The following CALN1 variants were observed in gnomAD, a reference collection of about 807,000 sequenced individuals.
The protein encoded by CALN1 is calcium-binding protein 8.
Under a neutral mutation model 30.6 loss-of-function variants are expected in CALN1, and 17 were observed. The observed-to-expected ratio is 0.56, with a 90% confidence interval of 0.38 to 0.83. The LOEUF is 0.83. CALN1 is among the 40% of genes least tolerant of loss of function. CALN1 has a pLI of 0.00. For missense variants in CALN1, 291 were observed against 354.9 expected (o/e 0.82, Z 1.45); for synonymous variants, 156 against 131.4 (o/e 1.19, Z -1.28).
chr7:72,179,340 G>T (rs945087472), intron 3 of CALN1, among the ~76,000 whole-genome samples: 2 of 152,000 alleles, frequency 1.3e-5, no homozygotes, highest in Non-Finnish European at 2.9e-5. Context: ...CAATTTTTTT[G>T]ACTGTTCCCA....
At chr7:72,111,940 G>T (rs557301244) in intron 3 of CALN1, among the ~76,000 whole-genome samples, 2 of 151,600 alleles carry the variant, frequency 1.3e-5, no homozygotes, top group Non-Finnish European at 2.9e-5. Context: ...TAGTAGAGAC[G>T]GTGTTTCACT....
At chr7:72,358,571 AC>A (rs1158685962) in intron 2 of CALN1, among the ~76,000 whole-genome samples, 3 of 152,070 alleles carry the variant, frequency 2.0e-5, no homozygotes, top group Non-Finnish European at 4.4e-5. Context: ...CGTCAACCTG[AC>A]CCCAACTTCG....
chr7:72,482,096 T>C, the CALN1 span, among the ~76,000 whole-genome samples: 2 of 152,222 alleles, frequency 1.3e-5, no homozygotes, highest in South Asian at 4.1e-4. Context: ...TTTAGAATTA[T>C]TGATTAATCA....
chr7:71,993,963 A>G (rs924535918), intron 5 of CALN1, among the ~76,000 whole-genome samples: 1 of 152,178 alleles, frequency 6.6e-6, no homozygotes, highest in Non-Finnish European at 1.5e-5. Context: ...TACGACTGAA[A>G]TTTAAATGTT....
At chr7:72,444,617 C>T (rs1808465186) in intron 1 of CALN1, among the ~76,000 whole-genome samples, 1 of 152,124 alleles carries the variant, frequency 6.6e-6, no homozygotes, top group Non-Finnish European at 1.5e-5. Flanking sequence ...AGAAAAGGCA[C>T]AGTCCAGCAG....
intron 4 of CALN1, among the ~76,000 whole-genome samples, chr7:72,031,030 C>T (rs1384152038): frequency 1.3e-5 from 2 of 152,176 alleles, no homozygotes; most frequent in African/African-American, 2.4e-5. Flanking sequence ...TTTACATCTT[C>T]CTGCTGCCCA....
chr7:71,864,161 G>A (rs995531443), intron 5 of CALN1, among the ~76,000 whole-genome samples: 5 of 152,018 alleles, frequency 3.3e-5, no homozygotes, highest in Admixed American at 6.6e-5. Context: ...TTTCCTTCCC[G>A]CTGTGGTAGA....
At chr7:72,423,484 G>T (rs553051906) in intron 1 of CALN1, among the ~76,000 whole-genome samples, 6 of 152,128 alleles carry the variant, frequency 3.9e-5, no homozygotes, top group Non-Finnish European at 8.8e-5. Context: ...ACCATCCAAG[G>T]CTGGCTTTCC....
chr7:71,929,509 TACC>T (rs1327323177), intron 5 of CALN1, among the ~76,000 whole-genome samples: 1 of 152,134 alleles, frequency 6.6e-6, no homozygotes, highest in African/African-American at 2.4e-5. Flanking sequence ...GGTGTATATG[TACC>T]ACATTTTCTT....
Position 72,338,527 on chromosome 7 carries a change from GTC to G in CALN1, c.120-59719_120-59718del, listed in dbSNP as rs58987647. ...TGTGTGTGTGTGTGTGTGTGTGTGT[GTC>G]TCACCTGGGTGTGGTTTCAGAGTCC... On this transcript the variant is annotated intron_variant, in intron 2 of 6. Transcript: ENST00000395275. Among the ~76,000 whole-genome samples, 69 of 144,584 alleles carry G rather than the reference GTC, an allele frequency of 4.8e-4. 2 individuals carry two copies. The highest frequency in any genetic ancestry group is 1.7e-3 in the African/African-American group (62 of 37,008). 94.9% of individuals were successfully genotyped at this position (144,584 alleles called of 152,430 possible).
intron 2 of CALN1, among the ~76,000 whole-genome samples, chr7:72,295,244 A>G (rs1200665631): frequency 1.3e-5 from 2 of 152,236 alleles, no homozygotes; most frequent in Non-Finnish European, 2.9e-5. Context: ...TGTTTAAATT[A>G]AAGTTATAAT....
At chr7:72,358,265 G>T (rs1803357798) in intron 2 of CALN1, among the ~76,000 whole-genome samples, 1 of 151,928 alleles carries the variant, frequency 6.6e-6, no homozygotes, top group Non-Finnish European at 1.5e-5. Context: ...AAAGTGCTAG[G>T]ATTATAGGTG....
intron 3 of CALN1, among the ~76,000 whole-genome samples, chr7:72,157,545 A>G (rs183307890): frequency 7.2e-5 from 11 of 152,222 alleles, no homozygotes; most frequent in African/African-American, 2.6e-4. Context: ...ATGTAAAGTG[A>G]GAAACAAAAA....
At chr7:71,946,492 C>T (rs1376719232) in intron 5 of CALN1, among the ~76,000 whole-genome samples, 1 of 151,512 alleles carries the variant, frequency 6.6e-6, no homozygotes, top group Non-Finnish European at 1.5e-5. Context: ...CTCAGCCTCT[C>T]GAGTAGCTAG....
In CALN1 at chr7:71,795,467, TAA is replaced by T. The variant is rs1786842579; in HGVS notation, c.659-7567_659-7566del. 3.9e-5 allele frequency among the ~76,000 whole-genome samples: 6 copies of T among 152,200 alleles called. No individual in the cohort carries two copies. In the South Asian group the frequency reaches 1.2e-3, roughly 32 times the overall value. On this transcript the variant is annotated intron_variant, in intron 6 of 6. Coordinates refer to ENST00000395275, the MANE Select transcript of CALN1 (RefSeq NM_031468.4). ...CTTTCAATATTTATTTATTTTTAAT[TAA>T]GATATAGTTCACATACCATAAAATT... is the stretch of plus-strand genomic sequence containing the variant.
chr7:72,185,306 A>C (rs184004119), intron 3 of CALN1, among the ~76,000 whole-genome samples: 2 of 152,240 alleles, frequency 1.3e-5, no homozygotes, highest in East Asian at 1.9e-4. Context: ...GGAGATGCTG[A>C]AGTCAGTCTC....
At chr7:72,408,790 C>T (rs1806892243) in intron 1 of CALN1, among the ~76,000 whole-genome samples, 1 of 149,946 alleles carries the variant, frequency 6.7e-6, no homozygotes, top group African/African-American at 2.5e-5. Flanking sequence ...GATCCTGCCA[C>T]CTCCAGTCCC....
At chr7:72,369,847 A>C (rs1328344261) in intron 2 of CALN1, among the ~76,000 whole-genome samples, 1 of 152,182 alleles carries the variant, frequency 6.6e-6, no homozygotes, top group Non-Finnish European at 1.5e-5. Context: ...AATACACCAC[A>C]ATTTGTTAAT....
chr7:72,035,765 G>C (rs1198044691), intron 4 of CALN1, among the ~76,000 whole-genome samples: 2 of 152,170 alleles, frequency 1.3e-5, no homozygotes, highest in East Asian at 3.9e-4. Context: ...TTCAATTGTT[G>C]ATGTCACAAA....
Sources: gnomAD v4.1 joint callset for allele counts (sites outside exome capture counted in the v4.1 genomes callset) on GRCh38, gnomAD v4.1.1 for gene constraint, MANE v1.5 for transcripts, NCBI Gene and HGNC (gene_info 2026-07-23, HGNC 2026-07-21) for gene names.